The following KCNA3 variants were observed in gnomAD, a reference collection of about 807,000 sequenced individuals.
The protein encoded by KCNA3 is RP11-284N8.3.
Under a neutral mutation model 34.3 loss-of-function variants are expected in KCNA3, and 18 were observed. The observed-to-expected ratio is 0.52, with a 90% CI of 0.36 to 0.78. KCNA3 has a LOEUF of 0.78. KCNA3 is among the 30% of genes least tolerant of loss of function. KCNA3 has a pLI of 0.00. For synonymous variants in KCNA3, 324 were observed against 351.7 expected, an observed-to-expected ratio of 0.92 and a Z score of 0.88; for missense variants, 587 against 802.5, an observed-to-expected ratio of 0.73 and a Z score of 3.24.
downstream of KCNA3, among the ~76,000 whole-genome samples, chr1:110,669,006 T>C (rs150627570): frequency 8.5e-5 from 13 of 152,332 alleles, no homozygotes; most frequent in African/African-American, 2.6e-4. Context: ...GCAGCTATTA[T>C]GTAGGAAAAA....
At chr1:110,658,751 T>C in the KCNA3 span, among the ~76,000 whole-genome samples, 3 of 152,098 alleles carry the variant, frequency 2.0e-5, no homozygotes, top group Non-Finnish European at 4.4e-5. Context: ...GTGCTTTGTC[T>C]CACCACACCA....
At chr1:110,669,267 G>A (rs1380329037), downstream of KCNA3, among the ~76,000 whole-genome samples, 1 of 151,872 alleles carries the variant, frequency 6.6e-6, no homozygotes, top group African/African-American at 2.4e-5. Context: ...ATCATCTATT[G>A]TTGATTAAAA....
rs1002682725 is a variant in KCNA3 at position 110,674,031 on chromosome 1, C to T, written c.779G>A (p.Arg260His). 1.2e-6 allele frequency: 2 copies of T among 1,608,496 alleles called. No homozygotes were observed. The highest frequency in any genetic ancestry group is 1.7e-6 in the Non-Finnish European group (2 of 1,176,516). ...CGAGGCGGGGTAGTCCTTCTCGTCG[C>T]GGAACTCCGGCAGCGTCTCCAGGCA... Reference protein sequence around the residue: ...IFCLETLPEFRDEKDYPASTS... With the variant: ...IFCLETLPEFHDEKDYPASTS... Residue 260 changes from arginine (R) to histidine (H), a missense_variant, in exon 1 of 1, where the codon CGC becomes CAC. Physicochemically the swap from Arg to His is conservative, Grantham distance 29 (BLOSUM62 0). Coordinates refer to ENST00000369769, the MANE Select transcript of KCNA3 (RefSeq NM_002232.5). The surrounding 1 kb of genome is among the most constrained non-coding windows in gnomAD (Gnocchi z 6.4).
At chr1:110,662,249 A>G in the KCNA3 span, among the ~76,000 whole-genome samples, 2 of 152,128 alleles carry the variant, frequency 1.3e-5, no homozygotes, top group Admixed American at 6.5e-5. Flanking sequence ...ACAGTGACCT[A>G]TAATTGAAGA....
rs1231279535 is a variant in KCNA3, at chr1:110,674,770, G to A, written c.40C>T (p.Pro14Ser). The A allele has an allele frequency of 2.3e-5, 31 of 1,343,006 alleles. No homozygotes were observed. The highest frequency in any genetic ancestry group is 2.9e-5 in the Non-Finnish European group (31 of 1,055,052). The allele number at this position is 1,343,006 out of a possible 1,614,324, so 83.2% of individuals were successfully genotyped here. The change falls in exon 1 of 1, where the codon CCC (proline) becomes TCC (serine). Residue 14 changes from proline (P) to serine (S), a missense_variant. Physicochemically the swap from Pro to Ser is moderately conservative, Grantham distance 74. This residue lies in a region of KCNA3 where 341 missense variants were observed against 355.4 expected (regional missense o/e 0.96). Transcript: ENST00000369769. The surrounding 1 kb of genome is among the most constrained non-coding windows in gnomAD (Gnocchi z 6.4). ...RLSLLRSPPP[P>S]SARHRAHPPQ... ...GGGTGGGCGCGGTGGCGGGCTGAGGGCGGCGGCGGCGAGCGCAGAAGGCTG... is the reference window on the plus strand; with the variant it reads ...GGGTGGGCGCGGTGGCGGGCTGAGGACGGCGGCGGCGAGCGCAGAAGGCTG...
the KCNA3 span, chr1:110,655,319 C>CT: frequency 6.6e-6 from 1 of 151,994 alleles, no homozygotes; most frequent in Non-Finnish European, 1.5e-5. Flanking sequence ...AAGAAAAACA[C>CT]TTTGACAGTT....
At chr1:110,663,721 G>T in the KCNA3 span, among the ~76,000 whole-genome samples, 1 of 152,060 alleles carries the variant, frequency 6.6e-6, no homozygotes, top group East Asian at 1.9e-4. Flanking sequence ...AATACCGCTA[G>T]GAATCTCCCA....
chr1:110,666,449 G>C, the KCNA3 span, among the ~76,000 whole-genome samples: 3 of 152,096 alleles, frequency 2.0e-5, no homozygotes, highest in Non-Finnish European at 4.4e-5. Flanking sequence ...AGGGTGACTG[G>C]AGCACAAAAG....
At chr1:110,660,018 A>G in the KCNA3 span, among the ~76,000 whole-genome samples, 8 of 152,116 alleles carry the variant, frequency 5.3e-5, no homozygotes, top group African/African-American at 1.2e-4. Context: ...AACCAACATG[A>G]CACATGTATA....
the KCNA3 span, chr1:110,654,745 G>A: frequency 6.6e-6 from 1 of 152,126 alleles, no homozygotes; most frequent in Non-Finnish European, 1.5e-5. Flanking sequence ...TTTTGTCAAA[G>A]TTTTAAAGAT....
chr1:110,671,819 A>C (rs1651900027), downstream of KCNA3, among the ~76,000 whole-genome samples: 1 of 152,244 alleles, frequency 6.6e-6, no homozygotes, highest in East Asian at 1.9e-4. Flanking sequence ...TCTTGGAGAA[A>C]GAAAACTGTA....
Position 110,674,314 on chromosome 1 carries a change from C to G in KCNA3, c.496G>C (p.Gly166Arg), listed in dbSNP as rs776046460. 1.5e-5 allele frequency: 25 copies of G among 1,614,154 alleles called. No homozygotes were observed. Among genetic ancestry groups the G allele is most frequent in the Non-Finnish European group, 2.0e-5 (24 of 1,180,012 alleles). Residue 166 changes from glycine (G) to arginine (R), a missense_variant, in exon 1 of 1, where the codon GGG becomes CGG. Physicochemically the swap from Gly to Arg is moderately radical, Grantham distance 125. Coordinates refer to ENST00000369769, the MANE Select transcript of KCNA3 (RefSeq NM_002232.5). The surrounding 1 kb of genome is among the most constrained non-coding windows in gnomAD (Gnocchi z 6.4). Reference protein sequence around the residue: ...FDAILYYYQSGGRIRRPVNVP... With the variant: ...FDAILYYYQSRGRIRRPVNVP... ...TTGACCGGCCGGCGGATGCGGCCCC[C>G]GGACTGATAGTAGTAGAGGATGGCG...
chr1:110,666,700 C>G, the KCNA3 span, among the ~76,000 whole-genome samples: 2 of 152,294 alleles, frequency 1.3e-5, no homozygotes, highest in South Asian at 4.1e-4. Context: ...GAGACCTTCA[C>G]ACTTAATGTA....
chr1:110,673,379 G>A lies in KCNA3; in HGVS notation c.1431C>T (p.Pro477=), dbSNP rs780014764. 24 of 1,613,960 alleles carry A rather than the reference G, an allele frequency of 1.5e-5. No homozygotes were observed. The highest frequency in any genetic ancestry group is 1.9e-5 in the Non-Finnish European group (23 of 1,180,016). The part of the protein sequence containing the change: ...AGVLTIALPV[P]VIVSNFNYFY... ...AGTAATTGAAGTTGGAAACAATCACGGGAACTGGCAATGCGATGGTCAAGA... is the reference window on the plus strand; with the variant it reads ...AGTAATTGAAGTTGGAAACAATCACAGGAACTGGCAATGCGATGGTCAAGA... The change falls in exon 1 of 1, where the codon CCC becomes CCT. Residue 477 remains proline (P), a synonymous_variant. Coordinates refer to ENST00000369769, the MANE Select transcript of KCNA3 (RefSeq NM_002232.5). This position sits in a 1 kb window ranked among gnomAD's most constrained non-coding sequence, Gnocchi z 8.8.
the KCNA3 span, among the ~76,000 whole-genome samples, chr1:110,666,251 T>C: frequency 6.6e-6 from 1 of 152,272 alleles, no homozygotes; most frequent in Non-Finnish European, 1.5e-5. Context: ...TTAAATTTAA[T>C]GAACTACTAT....
At chr1:110,666,614 G>T in the KCNA3 span, among the ~76,000 whole-genome samples, 1 of 152,234 alleles carries the variant, frequency 6.6e-6, no homozygotes, top group East Asian at 1.9e-4. Context: ...TCGGATTTTG[G>T]TCTCAAAAAG....
chr1:110,663,861 G>A, the KCNA3 span, among the ~76,000 whole-genome samples: 1 of 152,118 alleles, frequency 6.6e-6, no homozygotes, highest in Non-Finnish European at 1.5e-5. Context: ...TGATTTAAAT[G>A]TCCCCATCTG....
At chr1:110,670,913 T>C (rs890783584), downstream of KCNA3, among the ~76,000 whole-genome samples, 1 of 152,178 alleles carries the variant, frequency 6.6e-6, no homozygotes, top group Non-Finnish European at 1.5e-5. Flanking sequence ...AAAAATAGGG[T>C]TACTCTCATT....
chr1:110,673,255 T>C lies in KCNA3; in HGVS notation c.1555A>G (p.Arg519Gly), dbSNP rs1206352010. Reference protein sequence around the residue: ...SSSAEELRKARSNSTLSKSEY... With the variant: ...SSSAEELRKAGSNSTLSKSEY... ...GACTTACTCAGAGTCGAGTTACTCCTTGCTTTTCGGAGCTCCTCGGCTGAA... is the reference window on the plus strand; with the variant it reads ...GACTTACTCAGAGTCGAGTTACTCCCTGCTTTTCGGAGCTCCTCGGCTGAA... Residue 519 changes from arginine to glycine, a missense_variant, in exon 1 of 1, where the codon AGG (arginine) becomes GGG (glycine). Arg to Gly is a moderately radical substitution (Grantham distance 125). Around this residue, in one of 7 missense-constraint regions of KCNA3, gnomAD observed 95 missense variants for 107.3 expected, o/e 0.89. Coordinates refer to ENST00000369769, the MANE Select transcript of KCNA3 (RefSeq NM_002232.5). This position sits in a 1 kb window ranked among gnomAD's most constrained non-coding sequence, Gnocchi z 8.8. 19 of 1,614,086 alleles carry C rather than the reference T, an allele frequency of 1.2e-5. No homozygotes were observed. The highest frequency in any genetic ancestry group is 2.7e-5 in the African/African-American group (2 of 74,998).
Sources: gnomAD v4.1 joint callset for allele counts (sites outside exome capture counted in the v4.1 genomes callset) on GRCh38, gnomAD v4.1.1 for gene constraint, gnomAD v4.1.1 regional missense constraint, Gnocchi (gnomAD v3.1) non-coding constraint, MANE v1.5 for transcripts, NCBI Gene and HGNC (gene_info 2026-07-23, HGNC 2026-07-21) for gene names.